GALNTL6: variants seen among roughly 807,000 people sequenced by gnomAD.
The protein encoded by GALNTL6 is polypeptide N-acetylgalactosaminyltransferase like 6.
Under a neutral mutation model 73.7 loss-of-function variants are expected in GALNTL6, and 46 were observed. The ratio of observed to expected loss-of-function variants is 0.62; its 90% confidence interval spans 0.49 to 0.80. The LOEUF (loss-of-function observed/expected upper bound fraction) is 0.80. GALNTL6 is among the 30% of genes least tolerant of loss of function. The pLI is 0.00. For missense variants in GALNTL6, 604 were observed against 755.0 expected (o/e 0.80, Z 2.34); for synonymous variants, 259 against 263.7 (o/e 0.98, Z 0.17).
At chr4:172,679,227 C>T (rs907820852) in intron 5 of GALNTL6, among the ~76,000 whole-genome samples, 3 of 152,104 alleles carry the variant, frequency 2.0e-5, no homozygotes, top group South Asian at 2.1e-4. Context: ...GCCTGGCCAA[C>T]ATGGTGAAAC....
intron 2 of GALNTL6, among the ~76,000 whole-genome samples, chr4:172,181,204 A>G (rs1447323830): frequency 6.6e-6 from 1 of 152,194 alleles, no homozygotes; most frequent in Non-Finnish European, 1.5e-5. Flanking sequence ...ATGAACATCA[A>G]TGCAAACATC....
intron 3 of GALNTL6, among the ~76,000 whole-genome samples, chr4:172,269,134 C>T (rs1327568530): frequency 6.6e-6 from 1 of 152,044 alleles, no homozygotes; most frequent in Non-Finnish European, 1.5e-5. Context: ...AAATTGCCTG[C>T]TCACCTACAC....
chr4:172,858,312 C>A (rs1377771896), intron 7 of GALNTL6, among the ~76,000 whole-genome samples: 2 of 152,072 alleles, frequency 1.3e-5, no homozygotes, highest in Non-Finnish European at 2.9e-5. Context: ...CATACTCCAG[C>A]AGAAAATCAT....
Position 172,760,693 on chromosome 4 carries a change from C to A in GALNTL6, c.554-48668C>A, listed in dbSNP as rs571042618. Among the ~76,000 whole-genome samples the A allele has an allele frequency of 6.4e-4, 98 of 152,254 alleles. 1 individual carries two copies. The highest frequency in any genetic ancestry group is 2.3e-3 in the African/African-American group (96 of 41,562). On this transcript the variant is annotated intron_variant, in intron 5 of 12. Coordinates refer to ENST00000506823, the MANE Select transcript of GALNTL6 (RefSeq NM_001034845.3). ...GGACACTGGTCCCTGCTGACCTGTG[C>A]CCTTCAGCCAGCTGCACTCACACTG...
Position 171,949,978 on chromosome 4 carries a change from G to A in GALNTL6, c.138+135260G>A, listed in dbSNP as rs180862397. Reference sequence around the variant, plus strand: ...TCCACCCATTCAAAATAAATCTCCAGTTGGAAAAATTAAATGCCATCCAGT... The same window carrying A: ...TCCACCCATTCAAAATAAATCTCCAATTGGAAAAATTAAATGCCATCCAGT... On this transcript the variant is annotated intron_variant, in intron 2 of 12. Transcript: ENST00000506823. Among the ~76,000 whole-genome samples the A allele has an allele frequency of 9.2e-5, 14 of 152,282 alleles. No individual in the cohort carries two copies. In the East Asian group the frequency reaches 2.1e-3, roughly 23 times the overall value.
chr4:172,161,408 C>G (rs189027883), intron 2 of GALNTL6, among the ~76,000 whole-genome samples: 2 of 151,826 alleles, frequency 1.3e-5, no homozygotes, highest in Non-Finnish European at 2.9e-5. Flanking sequence ...AAAAATAATA[C>G]AGAAGAAATG....
intron 5 of GALNTL6, among the ~76,000 whole-genome samples, chr4:172,360,974 G>T (rs1742346518): frequency 6.6e-6 from 1 of 152,002 alleles, no homozygotes. Flanking sequence ...TCCCTAATTT[G>T]CTTCCTCTAT....
intron 5 of GALNTL6, among the ~76,000 whole-genome samples, chr4:172,472,558 C>G (rs1256312050): frequency 1.3e-5 from 2 of 152,086 alleles, no homozygotes; most frequent in African/African-American, 4.8e-5. Context: ...GAAACAGGGT[C>G]ATTGCAGCTG....
intron 5 of GALNTL6, among the ~76,000 whole-genome samples, chr4:172,581,296 C>T (rs1325447152): frequency 6.6e-6 from 1 of 152,172 alleles, no homozygotes; most frequent in South Asian, 2.1e-4. Flanking sequence ...CATACTAAGT[C>T]CATTCTGCCT....
At chr4:172,633,619 G>T (rs998903026) in intron 5 of GALNTL6, among the ~76,000 whole-genome samples, 53 of 152,168 alleles carry the variant, frequency 3.5e-4, no homozygotes, top group East Asian at 3.9e-4. Flanking sequence ...ATGCTGAAAT[G>T]AGTTAAGACT....
In GALNTL6 at chr4:172,212,982, T is replaced by C. The variant is rs561153222; in HGVS notation, c.139-16674T>C. Reference sequence around the variant, plus strand: ...CACCACGCCCGGCCAACCACTGATCTTTTATCATTGCCATAGTCTTGCATT... The same window carrying C: ...CACCACGCCCGGCCAACCACTGATCCTTTATCATTGCCATAGTCTTGCATT... On this transcript the variant is annotated intron_variant, in intron 2 of 12. Coordinates refer to ENST00000506823, the MANE Select transcript of GALNTL6 (RefSeq NM_001034845.3). 6.6e-5 allele frequency among the ~76,000 whole-genome samples: 10 copies of C among 152,312 alleles called. No homozygotes were observed. In the South Asian group the frequency reaches 2.1e-3, roughly 32 times the overall value.
At chr4:172,198,287 A>T (rs10000635) in intron 2 of GALNTL6, among the ~76,000 whole-genome samples, 6,375 of 152,124 alleles carry the variant, frequency 0.042, 419 homozygotes, top group African/African-American at 0.14. Context: ...ATCAAAAAAA[A>T]AAATAAAACA....
At chr4:172,936,960 C>T (rs558291165) in intron 9 of GALNTL6, among the ~76,000 whole-genome samples, 37 of 152,138 alleles carry the variant, frequency 2.4e-4, no homozygotes, top group Non-Finnish European at 4.4e-4. Flanking sequence ...TGCTCCTCAC[C>T]ATAATGTTTC....
intron 2 of GALNTL6, among the ~76,000 whole-genome samples, chr4:171,860,654 A>G (rs1041142477): frequency 4.6e-5 from 7 of 152,144 alleles, no homozygotes; most frequent in Non-Finnish European, 1.0e-4. Context: ...AGGAGCATTG[A>G]TTATATTGTC....
intron 7 of GALNTL6, among the ~76,000 whole-genome samples, chr4:172,854,196 T>C (rs1363643032): frequency 3.3e-5 from 5 of 152,206 alleles, no homozygotes; most frequent in Admixed American, 6.5e-5. Flanking sequence ...CCCCTCCTCG[T>C]TGACACCTTC....
rs1385436531 is a variant in GALNTL6 at position 171,977,264 on chromosome 4, G to A, written c.138+162546G>A. 1.4e-4 allele frequency among the ~76,000 whole-genome samples: 22 copies of A among 152,178 alleles called. 1 individual carries two copies. On this transcript the variant is annotated intron_variant, in intron 2 of 12. Coordinates refer to ENST00000506823, the MANE Select transcript of GALNTL6 (RefSeq NM_001034845.3). ...AAAAATGAAAAGAACAGTTAATGATGTCACCAATTTTAAATTATTGGTCTG... is the reference window on the plus strand; with the variant it reads ...AAAAATGAAAAGAACAGTTAATGATATCACCAATTTTAAATTATTGGTCTG...
intron 2 of GALNTL6, among the ~76,000 whole-genome samples, chr4:171,840,527 T>A (rs765628203): frequency 6.6e-6 from 1 of 152,164 alleles, no homozygotes; most frequent in Non-Finnish European, 1.5e-5. Context: ...ATGGCCCCCA[T>A]CATTCTTACA....
intron 2 of GALNTL6, among the ~76,000 whole-genome samples, chr4:171,822,508 C>T (rs1266341977): frequency 6.6e-6 from 1 of 152,098 alleles, no homozygotes; most frequent in African/African-American, 2.4e-5. Context: ...GTTTAAATTG[C>T]TTGGTACATG....
At chr4:172,198,524 T>C (rs1735851823) in intron 2 of GALNTL6, among the ~76,000 whole-genome samples, 1 of 152,140 alleles carries the variant, frequency 6.6e-6, no homozygotes. Flanking sequence ...AGATCCCTGA[T>C]GATTAAAGAA....
Sources: gnomAD v4.1 joint callset for allele counts (sites outside exome capture counted in the v4.1 genomes callset) on GRCh38, gnomAD v4.1.1 for gene constraint, MANE v1.5 for transcripts, NCBI Gene and HGNC (gene_info 2026-07-23, HGNC 2026-07-21) for gene names.